The following TENM3 variants were observed in gnomAD, a reference collection of about 807,000 sequenced individuals.
The protein encoded by TENM3 is teneurin-3.
In TENM3, 63 loss-of-function variants were observed where a neutral mutation model predicts 255.1. That is an observed-to-expected ratio of 0.25 (90% CI 0.20 to 0.30). The LOEUF (loss-of-function observed/expected upper bound fraction) is 0.30. TENM3 is among the 10% of genes least tolerant of loss of function. The pLI is 1.00. For synonymous variants in TENM3, 1,306 were observed against 1,322.3 expected (o/e 0.99, Z 0.27); for missense variants, 2,929 against 3,461.1 (o/e 0.85, Z 3.86).
intron 3 of TENM3, among the ~76,000 whole-genome samples, chr4:182,573,614 A>G (rs60739632): frequency 0.01 from 1,559 of 152,324 alleles, 32 homozygotes; most frequent in African/African-American, 0.035. Flanking sequence ...GAATGCCACA[A>G]ATATTTATTA....
At chr4:182,522,888 C>T (rs1194761150) in intron 3 of TENM3, among the ~76,000 whole-genome samples, 17 of 152,136 alleles carry the variant, frequency 1.1e-4, no homozygotes, top group Non-Finnish European at 1.3e-4. Flanking sequence ...TTTTCCATAA[C>T]GGCTGCACTA....
the TENM3 span, among the ~76,000 whole-genome samples, chr4:181,627,850 C>A: frequency 2.6e-5 from 4 of 152,032 alleles, no homozygotes; most frequent in Non-Finnish European, 5.9e-5. Flanking sequence ...GGGTATATGC[C>A]CAGTAAGGGG....
the TENM3 span, among the ~76,000 whole-genome samples, chr4:181,786,139 A>G: frequency 1.3e-5 from 2 of 152,182 alleles, no homozygotes; most frequent in African/African-American, 4.8e-5. Flanking sequence ...TCTAAGAGAA[A>G]AAACAATCTG....
chr4:182,346,800 C>T lies in TENM3; in HGVS notation c.382C>T (p.Pro128Ser). The T allele has an allele frequency of 6.2e-7, 1 of 1,613,374 alleles. No homozygotes were observed. The highest frequency in any genetic ancestry group is 1.1e-5 in the South Asian group (1 of 90,956). ...TACTGAAAATGAAGCAGTGATGTCC[C>T]CAGAGCATGCCATGAGACTTTGGGG... ...ADTENEAVMS[P>S]EHAMRLWGRG... is the part of the protein sequence containing the mutation. Residue 128 changes from proline to serine, a missense_variant, in exon 3 of 28, where the codon CCA (proline) becomes TCA (serine). Around this residue, in one of 6 missense-constraint regions of TENM3, gnomAD observed 283 missense variants for 256.9 expected, o/e 1.10. Transcript: ENST00000511685.
the TENM3 span, among the ~76,000 whole-genome samples, chr4:181,563,219 G>A: frequency 6.6e-6 from 1 of 152,288 alleles, no homozygotes; most frequent in Non-Finnish European, 1.5e-5. Context: ...TTCCAGGGCT[G>A]TAAGGAAGAA....
chr4:182,665,853 G>A (rs766732654), intron 6 of TENM3, among the ~76,000 whole-genome samples: 10 of 152,024 alleles, frequency 6.6e-5, no homozygotes, highest in African/African-American at 1.2e-4. Flanking sequence ...CCAAGATGGC[G>A]CCACTGCACT....
chr4:181,710,839 G>A, the TENM3 span, among the ~76,000 whole-genome samples: 25 of 149,674 alleles, frequency 1.7e-4, no homozygotes, highest in African/African-American at 5.4e-4. Context: ...ATGAGCCACC[G>A]CGCCCGGCCG....
At chr4:182,733,032 C>T (rs28728149) in intron 16 of TENM3, among the ~76,000 whole-genome samples, 30,669 of 152,124 alleles carry the variant, frequency 0.2, 3,565 homozygotes, top group Non-Finnish European at 0.27. Flanking sequence ...AGCTTCCCAA[C>T]TCATGAGTGG....
chr4:181,448,325 C>T, the TENM3 span, among the ~76,000 whole-genome samples: 2 of 145,696 alleles, frequency 1.4e-5, no homozygotes, highest in Non-Finnish European at 3.0e-5. Flanking sequence ...GCGCCCACCA[C>T]TACGCCCGGC....
chr4:181,540,214 T>C, the TENM3 span, among the ~76,000 whole-genome samples: 2 of 152,080 alleles, frequency 1.3e-5, no homozygotes, highest in African/African-American at 2.4e-5. Flanking sequence ...GCTGAAGCAA[T>C]TGGAGCAACG....
At chr4:182,345,406 G>T (rs1165091136) in intron 2 of TENM3, among the ~76,000 whole-genome samples, 1 of 152,152 alleles carries the variant, frequency 6.6e-6, no homozygotes, top group Non-Finnish European at 1.5e-5. Context: ...GCATTAAAAT[G>T]TTCACAGATT....
chr4:182,785,577 G>T (rs1027697053), intron 24 of TENM3, among the ~76,000 whole-genome samples: 1 of 151,114 alleles, frequency 6.6e-6, no homozygotes, highest in Non-Finnish European at 1.5e-5. Flanking sequence ...GCGTGGTGGC[G>T]CACGCCTCTC....
Position 182,743,203 on chromosome 4 carries a change from T to G in TENM3, c.3413T>G (p.Phe1138Cys). ...TACAAGGGAAACGGGGAAAACCAGTTCATCTCCCAGCAGCCTCCAGTCGTG... is the reference window on the plus strand; with the variant it reads ...TACAAGGGAAACGGGGAAAACCAGTGCATCTCCCAGCAGCCTCCAGTCGTG... ...ILYKGNGENQ[F>C]ISQQPPVVSS... Residue 1138 changes from phenylalanine to cysteine, a missense_variant, in exon 19 of 28, where the codon TTC becomes TGC. Transcript: ENST00000511685. 6.2e-7 allele frequency: 1 copy of G among 1,613,686 alleles called. No homozygotes were observed. The highest frequency in any genetic ancestry group is 8.5e-7 in the Non-Finnish European group (1 of 1,179,596).
the TENM3 span, among the ~76,000 whole-genome samples, chr4:181,997,317 C>T: frequency 1.3e-5 from 2 of 152,170 alleles, no homozygotes; most frequent in African/African-American, 4.8e-5. Flanking sequence ...AGGCTGCCTG[C>T]GCACGTGTGA....
chr4:182,476,676 C>T (rs574460742), intron 3 of TENM3, among the ~76,000 whole-genome samples: 1 of 152,286 alleles, frequency 6.6e-6, no homozygotes, highest in South Asian at 2.1e-4. Context: ...TCTATATCAA[C>T]TGCAGAAGTG....
the TENM3 span, among the ~76,000 whole-genome samples, chr4:181,985,119 A>T: frequency 1.3e-5 from 2 of 152,016 alleles, no homozygotes; most frequent in Non-Finnish European, 2.9e-5. Flanking sequence ...TTTCAGAGGG[A>T]TGCATACATA....
the TENM3 span, among the ~76,000 whole-genome samples, chr4:181,675,205 T>C: frequency 1.8e-3 from 279 of 152,242 alleles, no homozygotes; most frequent in Non-Finnish European, 3.0e-3. Context: ...TTATAAGATA[T>C]AAGACTAGTG....
chr4:182,561,969 CAGAT>C lies in TENM3; in HGVS notation c.512-38943_512-38940del, dbSNP rs200715038. 2.6e-3 allele frequency among the ~76,000 whole-genome samples: 362 copies of C among 141,706 alleles called. 1 individual carries two copies. Among genetic ancestry groups the C allele is most frequent in the African/African-American group, 4.7e-3 (177 of 37,752 alleles). 93.0% of individuals were successfully genotyped at this position (141,706 alleles called of 152,430 possible). A position where few individuals can be genotyped will look rare whatever the true frequency, so the allele number is the denominator to read the frequency against. On this transcript the variant is annotated intron_variant, in intron 3 of 27. Coordinates refer to ENST00000511685, the MANE Select transcript of TENM3 (RefSeq NM_001080477.4). ...GTATATAAACAATACTGTGTATATCCAGATAGATAGATAGACAGATAGATAGATA... is the reference window on the plus strand; with the variant it reads ...GTATATAAACAATACTGTGTATATCCAGATAGATAGACAGATAGATAGATA...
At chr4:182,312,271 A>G (rs933684393) in intron 1 of TENM3, among the ~76,000 whole-genome samples, 2 of 152,192 alleles carry the variant, frequency 1.3e-5, no homozygotes, top group Non-Finnish European at 2.9e-5. Context: ...CCAAGGCCTG[A>G]GAATTGCTTG....
Sources: allele counts gnomAD v4.1 joint callset (sites outside exome capture counted in the v4.1 genomes callset), GRCh38; gene constraint gnomAD v4.1.1; regional missense constraint gnomAD v4.1.1; transcripts MANE v1.5; gene names NCBI Gene and HGNC (gene_info 2026-07-23, HGNC 2026-07-21).